Variants in CDIN1 observed in about 807,000 individuals in gnomAD.
CDIN1 encodes CDAN1 interacting nuclease 1.
Under a neutral mutation model 45.3 loss-of-function variants are expected in CDIN1, and 33 were observed. The ratio of observed to expected loss-of-function variants is 0.73; its 90% CI spans 0.55 to 0.97. CDIN1 has a LOEUF of 0.97. Ranked by LOEUF, CDIN1 falls within the 50% of genes least tolerant of loss-of-function variation. The probability of loss-of-function intolerance (pLI) is 0.00; values close to 1 mark genes in which losing one functional copy is unlikely to be tolerated. For synonymous variants in CDIN1, 118 were observed against 124.4 expected, an observed-to-expected ratio of 0.95 and a Z score of 0.34; for missense variants, 303 against 339.4, an observed-to-expected ratio of 0.89 and a Z score of 0.84.
intron 5 of CDIN1, among the ~76,000 whole-genome samples, chr15:36,682,324 A>G (rs907243534): frequency 7.2e-5 from 11 of 152,182 alleles, no homozygotes; most frequent in Non-Finnish European, 1.3e-4. Flanking sequence ...TTTCAGCTCC[A>G]AGGCAGAAAG....
intron 7 of CDIN1, among the ~76,000 whole-genome samples, chr15:36,694,078 G>T (rs1315095573): frequency 1.3e-5 from 2 of 152,054 alleles, no homozygotes; most frequent in South Asian, 2.1e-4. Flanking sequence ...TCTAGACTTT[G>T]CATTTCATAT....
At chr15:36,648,668 G>A (rs2040452361) in intron 3 of CDIN1, 1 of 152,102 alleles carries the variant, frequency 6.6e-6, no homozygotes, top group Non-Finnish European at 1.5e-5. Context: ...CTGACCTTGT[G>A]ATCCGCCTGC....
intron 10 of CDIN1, among the ~76,000 whole-genome samples, chr15:36,767,546 A>G (rs1003790973): frequency 9.9e-5 from 15 of 152,234 alleles, no homozygotes; most frequent in Non-Finnish European, 1.9e-4. Flanking sequence ...TGTATTAGTC[A>G]CTGTGCAAAC....
At chr15:36,722,503 C>A (rs2043461286) in intron 10 of CDIN1, among the ~76,000 whole-genome samples, 1 of 152,156 alleles carries the variant, frequency 6.6e-6, no homozygotes, top group Non-Finnish European at 1.5e-5. Context: ...CTTTGGTTAT[C>A]TACTGGTAGC....
intron 1 of CDIN1, among the ~76,000 whole-genome samples, chr15:36,605,086 A>C (rs1224512574): frequency 6.6e-6 from 1 of 152,182 alleles, no homozygotes; most frequent in East Asian, 1.9e-4. Context: ...GACTTTCTCA[A>C]ACTTTGAATC....
chr15:36,748,342 T>C (rs2044520421), intron 10 of CDIN1, among the ~76,000 whole-genome samples: 1 of 152,240 alleles, frequency 6.6e-6, no homozygotes, highest in African/African-American at 2.4e-5. Flanking sequence ...TCTTAGTTTG[T>C]GACTTTGTTA....
chr15:36,603,580 T>C (rs1471781904), intron 1 of CDIN1, among the ~76,000 whole-genome samples: 1 of 152,230 alleles, frequency 6.6e-6, no homozygotes, highest in African/African-American at 2.4e-5. Flanking sequence ...GGGTTTGAAA[T>C]AGGATGAAAC....
intron 5 of CDIN1, among the ~76,000 whole-genome samples, chr15:36,687,044 G>A (rs985819875): frequency 7.3e-6 from 1 of 137,874 alleles, no homozygotes; most frequent in Non-Finnish European, 1.6e-5. Context: ...GGGAGGGAGG[G>A]AGGGATGGAA....
rs78883649 is a variant in CDIN1, at chr15:36,743,144, G to A, written c.716+33183G>A. On this transcript the variant is annotated intron_variant, in intron 10 of 10. Transcript: ENST00000566621. ...GAAGATGATATTGGAGAAGTAAGACGAGCCAGGTCATGTAGGGGAAAAATC... is the reference window on the plus strand; with the variant it reads ...GAAGATGATATTGGAGAAGTAAGACAAGCCAGGTCATGTAGGGGAAAAATC... Among the ~76,000 whole-genome samples, 52 of 152,264 alleles carry A rather than the reference G, an allele frequency of 3.4e-4. No homozygotes were observed. The East Asian group carries it at 8.5e-3, about 25-fold the overall frequency.
intron 1 of CDIN1, among the ~76,000 whole-genome samples, chr15:36,639,004 T>C (rs980193684): frequency 1.2e-4 from 18 of 152,242 alleles, no homozygotes; most frequent in Admixed American, 3.3e-4. Flanking sequence ...TAATTATGTA[T>C]TTTACTTAAC....
At chr15:36,738,446 G>A (rs770005787) in intron 10 of CDIN1, among the ~76,000 whole-genome samples, 3 of 152,088 alleles carry the variant, frequency 2.0e-5, no homozygotes, top group Admixed American at 2.0e-4. Flanking sequence ...CTATGACCCA[G>A]AGTAAGAGCC....
chr15:36,709,785 G>A (rs1410841596), intron 9 of CDIN1, 71 bp from the exon 10 acceptor site: 16 of 1,140,476 alleles, frequency 1.4e-5, no homozygotes, highest in Non-Finnish European at 9.3e-6. Flanking sequence ...GCATAGAGAG[G>A]CCTGTACAGA....
At chr15:36,785,679 C>T (rs994629993) in intron 10 of CDIN1, among the ~76,000 whole-genome samples, 2 of 152,200 alleles carry the variant, frequency 1.3e-5, no homozygotes, top group Non-Finnish European at 2.9e-5. Context: ...TTCTCGTTAC[C>T]TTGTGCAGAT....
At position 36,579,690 on chromosome 15, in the gene CDIN1, C is replaced by A. The variant is rs1347334829; in HGVS notation, c.-171C>A. 1.7e-6 allele frequency: 1 copy of A among 577,030 alleles called. No homozygotes were observed. The highest frequency in any genetic ancestry group is 3.0e-6 in the Non-Finnish European group (1 of 328,152). 35.7% of individuals were successfully genotyped at this position (577,030 alleles called of 1,614,324 possible). A position where few individuals can be genotyped will look rare whatever the true frequency, so the allele number is the denominator to read the frequency against. On this transcript the variant is annotated 5_prime_UTR_variant, in exon 1 of 11. Transcript: ENST00000566621. The stretch of plus-strand genomic sequence containing the variant: ...TGGAGCCTGGGACCGGGCGAGTCTC[C>A]GCCCCGCTTTTGCAGCTAGGGGTGT...
chr15:36,616,947 T>C, intron 1 of CDIN1: 1 of 415,512 alleles, frequency 2.4e-6, no homozygotes, highest in Non-Finnish European at 4.2e-6. Flanking sequence ...ATATATATAA[T>C]GCAAATAAAA....
intron 1 of CDIN1, among the ~76,000 whole-genome samples, chr15:36,592,879 A>G (rs984876215): frequency 6.6e-6 from 1 of 152,178 alleles, no homozygotes; most frequent in Non-Finnish European, 1.5e-5. Flanking sequence ...GAATTTAGAA[A>G]TGCTCTAGTG....
intron 10 of CDIN1, among the ~76,000 whole-genome samples, chr15:36,727,970 ATT>A (rs1277579075): frequency 6.6e-6 from 1 of 152,100 alleles, no homozygotes; most frequent in African/African-American, 2.4e-5. Flanking sequence ...TATGACACAA[ATT>A]TTCCATACAA....
At chr15:36,723,080 T>C (rs1018105238) in intron 10 of CDIN1, among the ~76,000 whole-genome samples, 49 of 152,076 alleles carry the variant, frequency 3.2e-4, no homozygotes, top group Admixed American at 6.6e-5. Context: ...ATCCCTGACA[T>C]TGAGATATTT....
intron 1 of CDIN1, among the ~76,000 whole-genome samples, chr15:36,592,506 C>G (rs12907276): frequency 0.58 from 88,075 of 152,000 alleles, 25,800 homozygotes; most frequent in Middle Eastern, 0.68. Flanking sequence ...TTTACACCCC[C>G]TTTGTTCTGA....
Sources: gnomAD v4.1 joint callset for allele counts (sites outside exome capture counted in the v4.1 genomes callset) on GRCh38, gnomAD v4.1.1 for gene constraint, MANE v1.5 for transcripts, NCBI Gene and HGNC (gene_info 2026-07-23, HGNC 2026-07-21) for gene names.